Variants in ZBTB20 observed in about 807,000 individuals in gnomAD.
ZBTB20 encodes the protein zinc finger and BTB domain containing 20, also known as zinc finger and BTB domain-containing protein 20.
Under a neutral mutation model 56.9 loss-of-function variants are expected in ZBTB20, and 9 were observed. The ratio of observed to expected loss-of-function variants is 0.16; its 90% CI spans 0.10 to 0.28. The LOEUF (loss-of-function observed/expected upper bound fraction) is 0.28, where lower values mean the gene tolerates loss of function less well. Ranked by LOEUF, ZBTB20 falls within the 10% of genes least tolerant of loss-of-function variation. The pLI, the probability that ZBTB20 is intolerant of heterozygous loss-of-function variation, is 1.00. For synonymous variants in ZBTB20, 417 were observed against 420.7 expected (o/e 0.99, Z 0.11); for missense variants, 655 against 1,003.0 (o/e 0.65, Z 4.69).
intron 3 of ZBTB20, among the ~76,000 whole-genome samples, chr3:114,916,403 ATGT>A (rs1380357686): frequency 6.6e-6 from 1 of 152,028 alleles, no homozygotes; most frequent in African/African-American, 2.4e-5. Flanking sequence ...CAGTATTATA[ATGT>A]TGTTTTTCTA....
intron 6 of ZBTB20, among the ~76,000 whole-genome samples, chr3:114,599,078 T>C (rs1168902929): frequency 6.6e-6 from 1 of 152,078 alleles, no homozygotes; most frequent in Non-Finnish European, 1.5e-5. Context: ...TGAAATAGCA[T>C]GCTATATGTG....
Position 114,545,855 on chromosome 3 carries a change from T to G in ZBTB20, c.-294-45464A>C, listed in dbSNP as rs138478010. ...TCCTTTTGGAGCAAGATATAAAGTT[T>G]AATTCTAAGTCTTTTTTTAACCCCG... is the stretch of plus-strand genomic sequence containing the variant. On this transcript the variant is annotated intron_variant, in intron 6 of 11. Coordinates refer to ENST00000675478, the MANE Select transcript of ZBTB20 (RefSeq NM_001348800.3). Among the ~76,000 whole-genome samples, 174 of 152,330 alleles carry G rather than the reference T, an allele frequency of 1.1e-3. 1 individual carries two copies. The highest frequency in any genetic ancestry group is 4.1e-3 in the African/African-American group (169 of 41,568).
intron 5 of ZBTB20, among the ~76,000 whole-genome samples, chr3:114,707,998 T>C (rs915853777): frequency 6.6e-6 from 1 of 152,192 alleles, no homozygotes; most frequent in East Asian, 1.9e-4. Context: ...CTCCTCCACG[T>C]TCAGTTCAAT....
chr3:114,886,678 T>A (rs987414336), intron 4 of ZBTB20, among the ~76,000 whole-genome samples: 1 of 152,298 alleles, frequency 6.6e-6, no homozygotes, highest in African/African-American at 2.4e-5. Context: ...TGACTGTTGG[T>A]TACCTATTCT....
rs539149509 is a variant in ZBTB20 at position 114,316,868 on chromosome 3, G to A, written c.*22137C>T. 4.5e-6 allele frequency: 1 copy of A among 223,808 alleles called. No individual in the cohort carries two copies. The highest frequency in any genetic ancestry group is 5.3e-5 in the Admixed American group (1 of 18,866). 13.9% of individuals were successfully genotyped at this position (223,808 alleles called of 1,614,324 possible). ...ATTCTGGACTCCGGGCACCTTAGCA[G>A]CAGCAGCAGCACCTTTATGAGAAGG... is the stretch of plus-strand genomic sequence containing the variant. On this transcript the variant is annotated 3_prime_UTR_variant, in exon 12 of 12. Coordinates refer to ENST00000675478, the MANE Select transcript of ZBTB20 (RefSeq NM_001348800.3).
intron 7 of ZBTB20, among the ~76,000 whole-genome samples, chr3:114,455,307 C>T (rs2091944692): frequency 6.6e-6 from 1 of 152,050 alleles, no homozygotes; most frequent in Admixed American, 6.6e-5. Flanking sequence ...GCGAATATTA[C>T]AAAAAGACTG....
At chr3:115,040,130 A>G (rs1333514557) in intron 2 of ZBTB20, among the ~76,000 whole-genome samples, 1 of 152,096 alleles carries the variant, frequency 6.6e-6, no homozygotes, top group Non-Finnish European at 1.5e-5. Flanking sequence ...TTACATATAT[A>G]ATTTTTTTTA....
At chr3:114,608,125 T>C (rs374672646) in intron 6 of ZBTB20, among the ~76,000 whole-genome samples, 4 of 152,084 alleles carry the variant, frequency 2.6e-5, no homozygotes, top group East Asian at 3.8e-4. Flanking sequence ...AGGCAATTGA[T>C]ATAGAGAAAC....
At chr3:114,900,461 A>T (rs1026180635) in intron 3 of ZBTB20, 119 bp from the exon 4 acceptor site, 1 of 151,212 alleles carries the variant, frequency 6.6e-6, no homozygotes, top group Non-Finnish European at 1.5e-5. Flanking sequence ...GAGGTAAATT[A>T]TTTTTTATCA....
chr3:114,631,468 C>T (rs2058945629), intron 6 of ZBTB20, among the ~76,000 whole-genome samples: 1 of 124,602 alleles, frequency 8.0e-6, no homozygotes, highest in South Asian at 2.8e-4. Context: ...TCTTGGCTCA[C>T]TGCAACCTCT....
At chr3:115,085,690 T>C (rs2082959415) in intron 1 of ZBTB20, among the ~76,000 whole-genome samples, 1 of 151,956 alleles carries the variant, frequency 6.6e-6, no homozygotes, top group African/African-American at 2.4e-5. Flanking sequence ...GAATTCATTT[T>C]AAGCTTAATA....
intron 4 of ZBTB20, among the ~76,000 whole-genome samples, chr3:114,877,239 A>G (rs936466856): frequency 6.6e-6 from 1 of 152,256 alleles, no homozygotes; most frequent in African/African-American, 2.4e-5. Flanking sequence ...AAAAATAGAT[A>G]GAAGTGCTAG....
At chr3:114,643,059 C>A (rs750754342) in intron 6 of ZBTB20, among the ~76,000 whole-genome samples, 1 of 151,984 alleles carries the variant, frequency 6.6e-6, no homozygotes, top group African/African-American at 2.4e-5. Context: ...TATTTTATGG[C>A]CTCTTGTAAC....
At chr3:115,118,419 T>C (rs2084083056) in intron 1 of ZBTB20, among the ~76,000 whole-genome samples, 1 of 152,168 alleles carries the variant, frequency 6.6e-6, no homozygotes, top group Non-Finnish European at 1.5e-5. Context: ...GATACTTCTC[T>C]ATCACATAAG....
intron 4 of ZBTB20, among the ~76,000 whole-genome samples, chr3:114,896,488 A>G (rs1200349034): frequency 6.6e-6 from 1 of 152,140 alleles, no homozygotes; most frequent in Non-Finnish European, 1.5e-5. Flanking sequence ...AAGTGAAATA[A>G]GCCAAACACG....
At chr3:114,524,621 T>A (rs1412485635) in intron 6 of ZBTB20, among the ~76,000 whole-genome samples, 2 of 152,172 alleles carry the variant, frequency 1.3e-5, no homozygotes, top group Admixed American at 6.5e-5. Context: ...TATACTGGCA[T>A]TACAAACTTT....
chr3:114,521,544 C>A (rs2046636385), intron 6 of ZBTB20, among the ~76,000 whole-genome samples: 1 of 152,160 alleles, frequency 6.6e-6, no homozygotes, highest in Admixed American at 6.5e-5. Flanking sequence ...ATTTCTACCT[C>A]TCTCATCCCC....
At chr3:114,886,444 A>G (rs1205066405) in intron 4 of ZBTB20, among the ~76,000 whole-genome samples, 2 of 152,238 alleles carry the variant, frequency 1.3e-5, no homozygotes, top group East Asian at 3.8e-4. Context: ...ACTTTTGTCC[A>G]TCTACGACAC....
At chr3:114,442,817 C>T (rs1214806489) in intron 7 of ZBTB20, among the ~76,000 whole-genome samples, 1 of 152,086 alleles carries the variant, frequency 6.6e-6, no homozygotes, top group East Asian at 1.9e-4. Context: ...GCTTGCTAAA[C>T]CCATACATTT....
Sources: gnomAD v4.1 joint callset for allele counts (sites outside exome capture counted in the v4.1 genomes callset) on GRCh38, gnomAD v4.1.1 for gene constraint, MANE v1.5 for transcripts, NCBI Gene and HGNC (gene_info 2026-07-23, HGNC 2026-07-21) for gene names.